RBFA: variants seen among roughly 807,000 people sequenced by gnomAD.
The protein encoded by RBFA is ribosome binding factor A, also known as putative ribosome-binding factor A, mitochondrial.
Under a neutral mutation model 27.9 loss-of-function variants are expected in RBFA, and 16 were observed. The observed-to-expected ratio is 0.57, with a 90% confidence interval of 0.39 to 0.87. The LOEUF (loss-of-function observed/expected upper bound fraction) is 0.87. Among genes scored for constraint, RBFA ranks in the 40% least tolerant of loss-of-function variants. The pLI, the probability that RBFA is intolerant of heterozygous loss-of-function variation, is 0.00. For synonymous variants in RBFA, 181 were observed against 181.0 expected (o/e 1.00, Z 0.00); for missense variants, 456 against 432.1 (o/e 1.06, Z -0.49).
At position 80,049,059 on chromosome 18, in the gene RBFA, T is replaced by C. The variant is rs779249413; in HGVS notation, c.*2904T>C. Among the ~76,000 whole-genome samples the C allele has an allele frequency of 1.1e-4, 16 of 152,228 alleles. No homozygotes were observed. Among genetic ancestry groups the C allele is most frequent in the Non-Finnish European group, 2.4e-4 (16 of 68,038 alleles). ...TGGGCACGTTTCAGAGAAAACTGGC[T>C]TAGGCCTCCCTGTTTCTGGCGTGGC... On this transcript the variant is annotated 3_prime_UTR_variant, in exon 7 of 7. Coordinates refer to ENST00000306735, the MANE Select transcript of RBFA (RefSeq NM_024805.3).
chr18:80,037,096 CTTT>C (rs1271957768), intron 2 of RBFA, among the ~76,000 whole-genome samples: 1 of 152,150 alleles, frequency 6.6e-6, no homozygotes, highest in African/African-American at 2.4e-5. Context: ...TCAACAAAAA[CTTT>C]TTTTGAGAAA....
chr18:80,035,119 A>G (rs2051967879), intron 1 of RBFA: 1 of 167,328 alleles, frequency 6.0e-6, no homozygotes, highest in Non-Finnish European at 1.3e-5. Context: ...CTACTTTAAT[A>G]CACTACTTTT....
At position 80,046,188 on chromosome 18, in the gene RBFA, G is replaced by C. The variant is rs200480234; in HGVS notation, c.*33G>C. ...GGCTCTGCCCATCCCACATTTGCAGGGAAAAGCATTGGCACGCAACGCAGC... is the reference window on the plus strand; with the variant it reads ...GGCTCTGCCCATCCCACATTTGCAGCGAAAAGCATTGGCACGCAACGCAGC... On this transcript the variant is annotated 3_prime_UTR_variant, in exon 7 of 7. Transcript: ENST00000306735. 5.5e-4 allele frequency: 874 copies of C among 1,599,960 alleles called. 2 individuals carry two copies. The highest frequency in any genetic ancestry group is 6.0e-4 in the Non-Finnish European group (705 of 1,171,398).
chr18:80,039,515 A>G (rs1475515988), intron 4 of RBFA, among the ~76,000 whole-genome samples: 1 of 152,216 alleles, frequency 6.6e-6, no homozygotes, highest in Non-Finnish European at 1.5e-5. Context: ...TGTTTGGCAG[A>G]CATTCTTTCA....
At chr18:80,036,504 C>T (rs1006877597) in intron 1 of RBFA, among the ~76,000 whole-genome samples, 164 bp from the exon 2 acceptor site, 57 of 152,260 alleles carry the variant, frequency 3.7e-4, no homozygotes, top group African/African-American at 1.3e-3. Context: ...TCCCCACAAC[C>T]CATGTTGTTA....
intron 2 of RBFA, 77 bp downstream of exon 2, chr18:80,036,787 G>C (rs1458158669): frequency 7.5e-6 from 8 of 1,069,814 alleles, no homozygotes; most frequent in Admixed American, 1.9e-5. Flanking sequence ...CTTACCTGGA[G>C]GTCTTTCCAT....
At chr18:80,042,249 T>G (rs762958093) in intron 5 of RBFA, 30 bp downstream of exon 5, 18 of 1,459,904 alleles carry the variant, frequency 1.2e-5, no homozygotes, top group Non-Finnish European at 1.7e-5. Flanking sequence ...TTTTTAAAAT[T>G]TAAAAATTTT....
Position 80,046,365 on chromosome 18 carries a change from GC to G in RBFA, c.*212del. Reference sequence around the variant, plus strand: ...CTGTGTGTAATTTAAAAATTAAATGGCCATCTTATCACAGATTCTCACAAAA... The same window carrying G: ...CTGTGTGTAATTTAAAAATTAAATGGCATCTTATCACAGATTCTCACAAAA... On this transcript the variant is annotated 3_prime_UTR_variant, in exon 7 of 7. Coordinates refer to ENST00000306735, the MANE Select transcript of RBFA (RefSeq NM_024805.3). 1 of 587,198 alleles carries G rather than the reference GC, an allele frequency of 1.7e-6. No homozygotes were observed. The highest frequency in any genetic ancestry group is 3.0e-6 in the Non-Finnish European group (1 of 338,448). The allele number at this position is 587,198 out of a possible 1,614,324, so 36.4% of individuals were successfully genotyped here. A position where few individuals can be genotyped will look rare whatever the true frequency, so the allele number is the denominator to read the frequency against.
Position 80,047,880 on chromosome 18 carries a change from T to TA in RBFA, c.*1726dup, listed in dbSNP as rs1485314844. On this transcript the variant is annotated 3_prime_UTR_variant, in exon 7 of 7. Transcript: ENST00000306735. The stretch of plus-strand genomic sequence containing the variant: ...CATATAGGTCAGGATAATGAGGTGA[T>TA]ACTGCAGTGACAAATGGCAAATCTC... 1.3e-5 allele frequency among the ~76,000 whole-genome samples: 2 copies of TA among 152,162 alleles called. No homozygotes were observed. Among genetic ancestry groups the TA allele is most frequent in the Non-Finnish European group, 2.9e-5 (2 of 68,018 alleles).
chr18:80,038,791 A>G (rs1257320020), intron 4 of RBFA, among the ~76,000 whole-genome samples, 174 bp downstream of exon 4: 1 of 152,182 alleles, frequency 6.6e-6, no homozygotes. Context: ...TATAAGCTAT[A>G]ATGTAGGTTA....
chr18:80,049,325 G>T lies in RBFA; in HGVS notation c.*3170G>T, dbSNP rs1461387850. 6.6e-6 allele frequency among the ~76,000 whole-genome samples: 1 copy of T among 151,928 alleles called. No individual in the cohort carries two copies. The highest frequency in any genetic ancestry group is 6.6e-5 in the Admixed American group (1 of 15,264). ...TTTCCACGGCCTTTCCTGGGAGCAG[G>T]TTAGGGACATGGAAGCTCACGCCCT... On this transcript the variant is annotated 3_prime_UTR_variant, in exon 7 of 7. Transcript: ENST00000306735.
rs2145151655 is a variant in RBFA, at chr18:80,047,038, CCT to C, written c.*884_*885del. The stretch of plus-strand genomic sequence containing the variant: ...CGGCTTCCCTCTTAATGTCCCAGCC[CCT>C]GTGAGCTGTCAGGTTCTAAATTCAG... On this transcript the variant is annotated 3_prime_UTR_variant, in exon 7 of 7. Coordinates refer to ENST00000306735, the MANE Select transcript of RBFA (RefSeq NM_024805.3). 6.6e-6 allele frequency: 1 copy of C among 152,392 alleles called. No homozygotes were observed. Among genetic ancestry groups the C allele is most frequent in the Admixed American group, 6.5e-5 (1 of 15,306 alleles). The allele number at this position is 152,392 out of a possible 1,614,324, so 9.4% of individuals were successfully genotyped here.
Position 80,049,698 on chromosome 18 carries a change from C to T in RBFA, c.*3543C>T, listed in dbSNP as rs1007718108. Among the ~76,000 whole-genome samples the T allele has an allele frequency of 1.2e-4, 18 of 152,354 alleles. No homozygotes were observed. The highest frequency in any genetic ancestry group is 1.7e-4 in the African/African-American group (7 of 41,586). On this transcript the variant is annotated 3_prime_UTR_variant, in exon 7 of 7. Coordinates refer to ENST00000306735, the MANE Select transcript of RBFA (RefSeq NM_024805.3). ...TGTCGGCCACTTCAGCCTTCTGGTT[C>T]GCTGTTCCTTGGTAATGCAGATGGC... is the stretch of plus-strand genomic sequence containing the variant.
In RBFA at chr18:80,046,444, C is replaced by T. The variant is rs2052055091; in HGVS notation, c.*289C>T. ...ATGCTGGCATGGCCACCTCCACCTG[C>T]AGAGCCCTGCCAGGTGCCAGTGAGT... On this transcript the variant is annotated 3_prime_UTR_variant, in exon 7 of 7. Coordinates refer to ENST00000306735, the MANE Select transcript of RBFA (RefSeq NM_024805.3). 1.9e-5 allele frequency: 7 copies of T among 373,994 alleles called. No individual in the cohort carries two copies. The highest frequency in any genetic ancestry group is 1.8e-4 in the South Asian group (7 of 39,650). The allele number at this position is 373,994 out of a possible 1,614,324, so 23.2% of individuals were successfully genotyped here.
At chr18:80,040,165 G>T (rs920349735) in intron 4 of RBFA, among the ~76,000 whole-genome samples, 1 of 148,082 alleles carries the variant, frequency 6.8e-6, no homozygotes, top group African/African-American at 2.5e-5. Flanking sequence ...TTGAATTTTT[G>T]TGACAAAGAA....
rs371788581 is a variant in RBFA at position 80,049,083 on chromosome 18, G to A, written c.*2928G>A. Among the ~76,000 whole-genome samples the A allele has an allele frequency of 3.3e-5, 5 of 152,342 alleles. No individual in the cohort carries two copies. The highest frequency in any genetic ancestry group is 6.5e-5 in the Admixed American group (1 of 15,314). ...CTTAGGCCTCCCTGTTTCTGGCGTG[G>A]CCTTCCCTGGGAGCGAGTTAGGGAC... On this transcript the variant is annotated 3_prime_UTR_variant, in exon 7 of 7. Transcript: ENST00000306735.
intron 4 of RBFA, 143 bp downstream of exon 4, chr18:80,038,760 A>G (rs2051998427): frequency 1.1e-5 from 7 of 609,216 alleles, no homozygotes; most frequent in South Asian, 6.2e-5. Flanking sequence ...CTTGAAGTTC[A>G]TAGTATAATT....
intron 1 of RBFA, among the ~76,000 whole-genome samples, chr18:80,036,250 C>T (rs1026522185): frequency 3.9e-5 from 6 of 152,178 alleles, no homozygotes; most frequent in Admixed American, 6.5e-5. Context: ...ATCTGTAAGT[C>T]GCACTCCAAT....
intron 6 of RBFA, among the ~76,000 whole-genome samples, chr18:80,045,425 C>A (rs897762913): frequency 6.6e-6 from 1 of 152,078 alleles, no homozygotes; most frequent in Non-Finnish European, 1.5e-5. Context: ...CAGGGTTTCA[C>A]CATGTTGGCC....
Sources: gnomAD v4.1 joint callset for allele counts (sites outside exome capture counted in the v4.1 genomes callset) on GRCh38, gnomAD v4.1.1 for gene constraint, MANE v1.5 for transcripts, NCBI Gene and HGNC (gene_info 2026-07-23, HGNC 2026-07-21) for gene names.